Variants in NOP53 observed in about 807,000 individuals in gnomAD.
The protein encoded by NOP53 is ribosome biogenesis protein NOP53.
Under a neutral mutation model 61.0 loss-of-function variants are expected in NOP53, and 40 were observed. The observed-to-expected ratio is 0.66, with a 90% CI of 0.51 to 0.85. The LOEUF is 0.85. NOP53 is among the 40% of genes least tolerant of loss of function. NOP53 has a pLI of 0.00. For missense variants in NOP53, 689 were observed against 652.9 expected (o/e 1.06, Z -0.60); for synonymous variants, 308 against 289.5 (o/e 1.06, Z -0.65).
chr19:47,751,436 G>C, intron 4 of NOP53, 84 bp from the exon 5 acceptor site: 1 of 1,070,070 alleles, frequency 9.3e-7, no homozygotes, highest in Non-Finnish European at 1.4e-6. Context: ...TCACCTTTTT[G>C]AAATGTGGAG....
chr19:47,756,542 C>T lies in NOP53; in HGVS notation c.1311C>T (p.Ile437=), dbSNP rs1395423914. ...CTGTCCTGTAGCCCGAGGGCAACAT[C>T]CTTCGAGACCGGTTCAAGAGCTTCC... The part of the protein sequence containing the change: ...SLRTLKPEGN[I]LRDRFKSFQR... The change falls in exon 11 of 13, where the codon ATC becomes ATT. Residue 437 remains isoleucine (I), a synonymous_variant. Transcript: ENST00000246802. The T allele has an allele frequency of 4.3e-6, 7 of 1,613,988 alleles. No homozygotes were observed. The South Asian group carries it at 4.4e-5, about 10-fold the overall frequency.
intron 6 of NOP53, 21 bp downstream of exon 6, chr19:47,752,628 C>G: frequency 7.0e-7 from 1 of 1,438,004 alleles, no homozygotes; most frequent in Non-Finnish European, 9.8e-7. Context: ...CCGTCCAGGC[C>G]TCCCTCCTCA....
Position 47,745,735 on chromosome 19 carries a change from A to G in NOP53, c.176A>G (p.Glu59Gly). Reference protein sequence around the residue: ...RRLAQEPLGLEVDQFLEDVRL... With the variant: ...RRLAQEPLGLGVDQFLEDVRL... ...CTTGCTCAGGAGCCGCTGGGGCTGG[A>G]GGTTGACCAGTTCCTGGAAGACGTG... The change falls in exon 1 of 13, where the codon GAG (glutamate) becomes GGG (glycine). Residue 59 changes from glutamate (E) to glycine (G), a missense_variant. Physicochemically the swap from Glu to Gly is moderately conservative, Grantham distance 98 (BLOSUM62 -2). Transcript: ENST00000246802. 1.2e-6 allele frequency: 2 copies of G among 1,605,126 alleles called. No individual in the cohort carries two copies. The highest frequency in any genetic ancestry group is 8.5e-7 in the Non-Finnish European group (1 of 1,175,648).
intron 2 of NOP53, among the ~76,000 whole-genome samples, chr19:47,747,526 C>T (rs368639824): frequency 6.6e-6 from 1 of 152,030 alleles, no homozygotes; most frequent in Non-Finnish European, 1.5e-5. Flanking sequence ...CCTGTAATCC[C>T]AGCTACTTGG....
chr19:47,752,669 T>A, intron 6 of NOP53, 62 bp downstream of exon 6: 1 of 1,011,868 alleles, frequency 9.9e-7, no homozygotes, highest in Non-Finnish European at 1.6e-6. Context: ...AGGCCTTCAC[T>A]AGCTTCCTCC....
chr19:47,747,172 A>C, intron 2 of NOP53, 141 bp downstream of exon 2: 1 of 638,610 alleles, frequency 1.6e-6, no homozygotes, highest in East Asian at 3.0e-5. Flanking sequence ...AAACAAGGGG[A>C]CCTCAAATGG....
intron 9 of NOP53, 37 bp downstream of exon 9, chr19:47,755,560 G>GT: frequency 6.9e-7 from 1 of 1,457,470 alleles, no homozygotes; most frequent in Non-Finnish European, 9.1e-7. Flanking sequence ...AGAGGCTGGG[G>GT]AGGGGGCCGG....
chr19:47,755,899 A>T lies in NOP53; in HGVS notation c.1296+77A>T, dbSNP rs528401969. ...TTGCTCCCCGTGCCCCCCAGGGGCTATGGGCGACACCATGGCTGCCCCTGG... is the reference window on the plus strand; with the variant it reads ...TTGCTCCCCGTGCCCCCCAGGGGCTTTGGGCGACACCATGGCTGCCCCTGG... On this transcript the variant is annotated intron_variant, in intron 10 of 12. Transcript: ENST00000246802. 115 of 1,231,672 alleles carry T rather than the reference A, an allele frequency of 9.3e-5. No homozygotes were observed. The South Asian group carries it at 1.3e-3, about 14-fold the overall frequency. The allele number at this position is 1,231,672 out of a possible 1,614,324, so 76.3% of individuals were successfully genotyped here. A position where few individuals can be genotyped will look rare whatever the true frequency, so the allele number is the denominator to read the frequency against.
At chr19:47,746,922 C>G (rs747280019) in intron 1 of NOP53, 45 bp from the exon 2 acceptor site, 2 of 1,526,384 alleles carry the variant, frequency 1.3e-6, no homozygotes, top group Non-Finnish European at 1.8e-6. Flanking sequence ...AAATCTCTTT[C>G]CTCTCCAACA....
Position 47,754,765 on chromosome 19 carries a change from G to T in NOP53, c.927G>T (p.Gly309=). The T allele has an allele frequency of 6.5e-7, 1 of 1,528,810 alleles. No individual in the cohort carries two copies. The highest frequency in any genetic ancestry group is 8.8e-7 in the Non-Finnish European group (1 of 1,134,862). 94.7% of individuals were successfully genotyped at this position (1,528,810 alleles called of 1,614,324 possible). The change falls in exon 8 of 13, where the codon GGG becomes GGT. Residue 309 remains glycine, a synonymous_variant. Coordinates refer to ENST00000246802, the MANE Select transcript of NOP53 (RefSeq NM_015710.5). The surrounding 1 kb of genome is among the most constrained non-coding windows in gnomAD (Gnocchi z 4.2). Reference sequence around the variant, plus strand: ...TGCTGGAGGAGTCGGATGGTGAGGGGGAGCCAGGCCAGGGCGAGGGGCCGG... The same window carrying T: ...TGCTGGAGGAGTCGGATGGTGAGGGTGAGCCAGGCCAGGGCGAGGGGCCGG... The part of the protein sequence containing the change: ...EGLLEESDGE[G]EPGQGEGPEA...
At position 47,745,646 on chromosome 19, in the gene NOP53, GGTGGA is replaced by G. The variant is rs1372039812; in HGVS notation, c.88_92del (p.Val30ProfsTer13). 2.5e-6 allele frequency: 4 copies of G among 1,613,924 alleles called. No individual in the cohort carries two copies. In the Admixed American group the frequency reaches 6.7e-5, roughly 27 times the overall value. On this transcript the variant is annotated frameshift_variant, in exon 1 of 13. Coordinates refer to ENST00000246802, the MANE Select transcript of NOP53 (RefSeq NM_015710.5). LOFTEE classifies it high-confidence loss of function. ...GTTTCCTGGGGCTGCGGCCCACTTC[GGTGGA>G]CCCAGCGCTGAGGCGGCGGCGGCGA...
At position 47,750,180 on chromosome 19, in the gene NOP53, C is replaced by T. The variant is rs749747947; in HGVS notation, c.292C>T (p.Leu98=). 3.7e-6 allele frequency: 6 copies of T among 1,600,958 alleles called. No homozygotes were observed. In the South Asian group the frequency reaches 4.4e-5, roughly 12 times the overall value. The change falls in exon 3 of 13, where the codon CTG becomes TTG. Residue 98 remains leucine (L), a splice_region_variant and synonymous_variant. Coordinates refer to ENST00000246802, the MANE Select transcript of NOP53 (RefSeq NM_015710.5). The part of the protein sequence containing the change: ...FVDTGSKEKG[L]TKKRTKVQKK... ...CTTGTTCTCTTTCCCATTCTTAGGG[C>T]TGACAAAGAAGAGAACCAAAGTCCA...
At position 47,754,380 on chromosome 19, in the gene NOP53, G is replaced by C; in HGVS notation, c.766-147G>C. 1 of 665,510 alleles carries C rather than the reference G, an allele frequency of 1.5e-6. No individual in the cohort carries two copies. 41.2% of individuals were successfully genotyped at this position (665,510 alleles called of 1,614,324 possible). On this transcript the variant is annotated intron_variant, in intron 6 of 12. Coordinates refer to ENST00000246802, the MANE Select transcript of NOP53 (RefSeq NM_015710.5). This position sits in a 1 kb window ranked among gnomAD's most constrained non-coding sequence, Gnocchi z 4.2. ...TGCCCTCTGGCTCTGTGCAGGGTGG[G>C]TGTGCTGGTAGACGGGGTGTGGGGA... is the stretch of plus-strand genomic sequence containing the variant.
intron 2 of NOP53, among the ~76,000 whole-genome samples, 198 bp from the exon 3 acceptor site, chr19:47,749,980 T>C (rs1250411022): frequency 6.6e-6 from 1 of 151,954 alleles, no homozygotes; most frequent in African/African-American, 2.4e-5. Context: ...CAGCACTTGG[T>C]TGTGGAGGGT....
Position 47,753,655 on chromosome 19 carries a change from C to T in NOP53, c.766-872C>T, listed in dbSNP as rs1194377651. On this transcript the variant is annotated intron_variant, in intron 6 of 12. Coordinates refer to ENST00000246802, the MANE Select transcript of NOP53 (RefSeq NM_015710.5). ...GCAACAGTGTGCTCATGGTTGAAAG[C>T]GTGAGGGTGCCGCTCACTGCCATCT... The T allele has an allele frequency of 2.6e-5, 4 of 152,146 alleles. No individual in the cohort carries two copies. In the East Asian group the frequency reaches 5.8e-4, roughly 22 times the overall value. The allele number at this position is 152,146 out of a possible 1,614,324, so 9.4% of individuals were successfully genotyped here. A position where few individuals can be genotyped will look rare whatever the true frequency, so the allele number is the denominator to read the frequency against.
At chr19:47,746,833 G>A in intron 1 of NOP53, 134 bp from the exon 2 acceptor site, 2 of 696,940 alleles carry the variant, frequency 2.9e-6, no homozygotes, top group South Asian at 3.5e-5. Flanking sequence ...TCTGTAAACT[G>A]CTGGGCGAAG....
chr19:47,750,413 A>C (rs1174148749), intron 3 of NOP53, 127 bp downstream of exon 3: 4 of 642,758 alleles, frequency 6.2e-6, no homozygotes, highest in Non-Finnish European at 1.1e-5. Flanking sequence ...TGGGCTTCGG[A>C]GTGCAGATTA....
rs1254617685 is a variant in NOP53 at position 47,751,505 on chromosome 19, T to C, written c.599-15T>C. ...GCTGGGACTGTCCCAGCAGCTCCCC[T>C]CGCTGTATCCACAGACCCCCTGGAC... On this transcript the variant is annotated splice_polypyrimidine_tract_variant and intron_variant, in intron 4 of 12. Coordinates refer to ENST00000246802, the MANE Select transcript of NOP53 (RefSeq NM_015710.5). 1 of 1,610,316 alleles carries C rather than the reference T, an allele frequency of 6.2e-7. No individual in the cohort carries two copies. Among genetic ancestry groups the C allele is most frequent in the Non-Finnish European group, 8.5e-7 (1 of 1,176,814 alleles).
At chr19:47,751,300 C>A in intron 4 of NOP53, 193 bp downstream of exon 4, 1 of 657,010 alleles carries the variant, frequency 1.5e-6, no homozygotes, top group Non-Finnish European at 2.6e-6. Context: ...AGTTGTGAGG[C>A]TTCAGGAAAG....
Sources: allele counts gnomAD v4.1 joint callset (sites outside exome capture counted in the v4.1 genomes callset), GRCh38; gene constraint gnomAD v4.1.1; non-coding constraint Gnocchi (gnomAD v3.1); transcripts MANE v1.5; gene names NCBI Gene and HGNC (gene_info 2026-07-23, HGNC 2026-07-21).